KLHL14: variants seen among roughly 807,000 people sequenced by gnomAD.
KLHL14 encodes kelch-like protein 14.
KLHL14 carries 22 observed loss-of-function variants against 64.3 expected under a neutral mutation model. The ratio of observed to expected loss-of-function variants is 0.34; its 90% CI spans 0.24 to 0.49. The LOEUF is 0.49. Ranked by LOEUF, KLHL14 falls within the 20% of genes least tolerant of loss-of-function variation. KLHL14 has a pLI of 0.99. For missense variants in KLHL14, 661 were observed against 789.0 expected, an observed-to-expected ratio of 0.84 and a Z score of 1.94; for synonymous variants, 322 against 333.4, an observed-to-expected ratio of 0.97 and a Z score of 0.37.
At chr18:32,700,234 T>C (rs1182595003) in intron 3 of KLHL14, among the ~76,000 whole-genome samples, 1 of 152,214 alleles carries the variant, frequency 6.6e-6, no homozygotes, top group Non-Finnish European at 1.5e-5. Flanking sequence ...TAGATGGTTA[T>C]TGAATGTTTA....
rs574787258 is a variant in KLHL14, at chr18:32,702,029, G to A, written c.1070-6477C>T. Among the ~76,000 whole-genome samples, 137 of 152,254 alleles carry A rather than the reference G, an allele frequency of 9.0e-4. 1 individual carries two copies. The highest frequency in any genetic ancestry group is 3.4e-3 in the Middle Eastern group (1 of 292). ...TAAATCTTCATTTATTTGTGCTACA[G>A]GTGTAGCATGTTTTCATACATTTAA... On this transcript the variant is annotated intron_variant, in intron 3 of 8. Transcript: ENST00000359358.
In KLHL14 at chr18:32,687,249, C is replaced by G; in HGVS notation, c.1160-16G>C. The G allele has an allele frequency of 6.3e-7, 1 of 1,596,296 alleles. No individual in the cohort carries two copies. Among genetic ancestry groups the G allele is most frequent in the Non-Finnish European group, 8.6e-7 (1 of 1,163,954 alleles). On this transcript the variant is annotated splice_polypyrimidine_tract_variant and intron_variant, in intron 4 of 8. Coordinates refer to ENST00000359358, the MANE Select transcript of KLHL14 (RefSeq NM_020805.3). ...CTGTGTTTTCCTGTAAAAATGCATT[C>G]GAGACATTTAAAACTTAGATTCTTT...
At position 32,680,703 on chromosome 18, in the gene KLHL14, C is replaced by G. The variant is rs1375374456; in HGVS notation, c.1239-104G>C. 1 of 1,124,010 alleles carries G rather than the reference C, an allele frequency of 8.9e-7. No homozygotes were observed. The highest frequency in any genetic ancestry group is 1.6e-5 in the African/African-American group (1 of 63,862). 69.6% of individuals were successfully genotyped at this position (1,124,010 alleles called of 1,614,324 possible). ...AGCTAGTCAGGGAAAGGGGTGCATTCTGCTTCAGAAAGGGTTGCAAATCTT... is the reference window on the plus strand; with the variant it reads ...AGCTAGTCAGGGAAAGGGGTGCATTGTGCTTCAGAAAGGGTTGCAAATCTT... On this transcript the variant is annotated intron_variant, in intron 5 of 8. Coordinates refer to ENST00000359358, the MANE Select transcript of KLHL14 (RefSeq NM_020805.3). The surrounding 1 kb of genome is among the most constrained non-coding windows in gnomAD (Gnocchi z 4.8).
chr18:32,719,140 G>T (rs1234922607), intron 3 of KLHL14, among the ~76,000 whole-genome samples: 8 of 152,156 alleles, frequency 5.3e-5, no homozygotes, highest in African/African-American at 1.9e-4. Context: ...TAGAGACGGG[G>T]TTTCTCCATG....
At chr18:32,747,632 C>T (rs2050230276) in intron 2 of KLHL14, among the ~76,000 whole-genome samples, 1 of 152,170 alleles carries the variant, frequency 6.6e-6, no homozygotes, top group Non-Finnish European at 1.5e-5. Context: ...GCTTCACTCG[C>T]TTGCCCACCA....
intron 3 of KLHL14, among the ~76,000 whole-genome samples, chr18:32,703,237 C>T (rs144112053): frequency 6.6e-6 from 1 of 152,140 alleles, no homozygotes; most frequent in African/African-American, 2.4e-5. Context: ...AGCATTTAGG[C>T]ATAACATAGT....
chr18:32,697,496 C>T (rs1315978952), intron 3 of KLHL14, among the ~76,000 whole-genome samples: 1 of 152,168 alleles, frequency 6.6e-6, no homozygotes, highest in Non-Finnish European at 1.5e-5. Flanking sequence ...TCTATGACCA[C>T]AGCTCTTCAA....
intron 4 of KLHL14, among the ~76,000 whole-genome samples, chr18:32,687,983 G>A (rs1479840802): frequency 6.6e-6 from 1 of 152,184 alleles, no homozygotes; most frequent in Non-Finnish European, 1.5e-5. Context: ...TTGCTGAAAT[G>A]GGAAATGTGA....
At chr18:32,708,235 C>T (rs1043123521) in intron 3 of KLHL14, among the ~76,000 whole-genome samples, 7 of 152,152 alleles carry the variant, frequency 4.6e-5, no homozygotes, top group Non-Finnish European at 1.0e-4. Context: ...GGCCAATGTG[C>T]GTATCTTTCC....
Position 32,674,716 on chromosome 18 carries a change from A to T in KLHL14, c.1828T>A (p.Leu610Met), listed in dbSNP as rs1193965531. The T allele has an allele frequency of 3.8e-6, 3 of 780,892 alleles. No individual in the cohort carries two copies. The highest frequency in any genetic ancestry group is 7.2e-6 in the Non-Finnish European group (3 of 418,068). 48.4% of individuals were successfully genotyped at this position (780,892 alleles called of 1,614,324 possible). ...ACTGTCACACAGGCAGGGCCTGCCA[A>T]CGGTTCTGCTACATCTCCTTCGAGT... ...TELEGDVAEP[L>M]AGPACVTVIL... Residue 610 changes from leucine to methionine, a missense_variant, in exon 9 of 9, where the codon TTG becomes ATG. Transcript: ENST00000359358.
chr18:32,706,396 A>G (rs1196976404), intron 3 of KLHL14, among the ~76,000 whole-genome samples: 1 of 152,220 alleles, frequency 6.6e-6, no homozygotes, highest in Non-Finnish European at 1.5e-5. Context: ...GAAGCAGTGC[A>G]GGTCAGAGTA....
chr18:32,697,574 T>C (rs141988233), intron 3 of KLHL14, among the ~76,000 whole-genome samples: 2 of 152,270 alleles, frequency 1.3e-5, no homozygotes, highest in East Asian at 3.9e-4. Context: ...AAAAACGGTA[T>C]TATCTTTTTT....
intron 4 of KLHL14, among the ~76,000 whole-genome samples, chr18:32,690,860 G>A (rs2049904049): frequency 6.6e-6 from 1 of 152,202 alleles, no homozygotes; most frequent in South Asian, 2.1e-4. Flanking sequence ...AATCATGTGG[G>A]AAAGTTTGGA....
chr18:32,751,670 GT>G (rs952465544), intron 2 of KLHL14, among the ~76,000 whole-genome samples: 2 of 152,076 alleles, frequency 1.3e-5, no homozygotes, highest in African/African-American at 4.8e-5. Flanking sequence ...CTATTATTTA[GT>G]TTTCCTAAGA....
Position 32,772,730 on chromosome 18 carries a change from C to T in KLHL14, c.-107G>A, listed in dbSNP as rs746651198. 3.4e-4 allele frequency: 52 copies of T among 152,744 alleles called. No homozygotes were observed. The highest frequency in any genetic ancestry group is 7.2e-4 in the Admixed American group (11 of 15,338). 9.5% of individuals were successfully genotyped at this position (152,744 alleles called of 1,614,324 possible). ...CTCCCCCCAAAAATCAATTGTCCTT[C>T]CTTTTTAAAGGTTTGCTGTCTCCTT... On this transcript the variant is annotated 5_prime_UTR_variant, in exon 1 of 9. Transcript: ENST00000359358.
chr18:32,695,580 T>C (rs777481337), intron 3 of KLHL14, 28 bp from the exon 4 acceptor site: 7 of 1,400,812 alleles, frequency 5.0e-6, no homozygotes, highest in Admixed American at 3.6e-5. Flanking sequence ...AAAAAAGACA[T>C]ATGAAATTTT....
chr18:32,692,263 T>C (rs189134278), intron 4 of KLHL14, among the ~76,000 whole-genome samples: 240 of 152,332 alleles, frequency 1.6e-3, no homozygotes, highest in Admixed American at 3.7e-3. Context: ...AATGAGTACA[T>C]GTTTGTGTTT....
intron 3 of KLHL14, chr18:32,734,088 C>CTTT: frequency 1.4e-6 from 1 of 694,924 alleles, no homozygotes. Context: ...GGTGAGAGCG[C>CTTT]TTTGAGCACA....
intron 5 of KLHL14, among the ~76,000 whole-genome samples, chr18:32,684,579 G>A (rs2049862069): frequency 6.6e-6 from 1 of 152,128 alleles, no homozygotes; most frequent in Non-Finnish European, 1.5e-5. Context: ...CTCTGTAAGG[G>A]TAGGTTACCC....
Sources: allele counts gnomAD v4.1 joint callset (sites outside exome capture counted in the v4.1 genomes callset), GRCh38; gene constraint gnomAD v4.1.1; non-coding constraint Gnocchi (gnomAD v3.1); transcripts MANE v1.5; gene names NCBI Gene and HGNC (gene_info 2026-07-23, HGNC 2026-07-21).